The following KIF2C variants were observed in gnomAD, a reference collection of about 807,000 sequenced individuals.
The protein encoded by KIF2C is kinesin family member 2C.
Under a neutral mutation model 97.4 loss-of-function variants are expected in KIF2C, and 34 were observed. That is an observed-to-expected ratio of 0.35 (90% confidence interval 0.27 to 0.46). The LOEUF (loss-of-function observed/expected upper bound fraction) is 0.46, where lower values mean the gene tolerates loss of function less well. Among genes scored for constraint, KIF2C ranks in the 20% least tolerant of loss-of-function variants. The pLI is 1.00. For synonymous variants in KIF2C, 313 were observed against 318.2 expected (o/e 0.98, Z 0.17); for missense variants, 750 against 907.6 (o/e 0.83, Z 2.23).
intron 1 of KIF2C, 54 bp downstream of exon 1, chr1:44,740,056 A>G: frequency 6.3e-7 from 1 of 1,596,902 alleles, no homozygotes; most frequent in Non-Finnish European, 8.6e-7. Flanking sequence ...AGACGACTGA[A>G]ATTACTGCCC....
intron 19 of KIF2C, among the ~76,000 whole-genome samples, chr1:44,763,830 T>A (rs1650298286): frequency 6.6e-6 from 1 of 152,008 alleles, no homozygotes. Flanking sequence ...GGTCAGGAGT[T>A]CGAGACCAGC....
At chr1:44,763,293 G>A (rs1036270198) in intron 19 of KIF2C, among the ~76,000 whole-genome samples, 2 of 152,154 alleles carry the variant, frequency 1.3e-5, no homozygotes, top group African/African-American at 2.4e-5. Context: ...AGGAATTTAC[G>A]TCCCAATGGT....
intron 4 of KIF2C, 69 bp downstream of exon 4, chr1:44,747,769 T>C (rs904709671): frequency 7.2e-7 from 1 of 1,392,994 alleles, no homozygotes; most frequent in Non-Finnish European, 1.0e-6. Flanking sequence ...GGACTCAGAG[T>C]TGTGGAAGCT....
intron 5 of KIF2C, among the ~76,000 whole-genome samples, chr1:44,752,865 C>A (rs1415421966): frequency 1.3e-5 from 2 of 152,188 alleles, no homozygotes; most frequent in Non-Finnish European, 2.9e-5. Flanking sequence ...CTAAAGAGTT[C>A]ACGCTCTCAG....
At chr1:44,764,493 TTTTGTTTG>T (rs763744086) in intron 19 of KIF2C, among the ~76,000 whole-genome samples, 22 of 145,956 alleles carry the variant, frequency 1.5e-4, no homozygotes, top group South Asian at 4.4e-4. Context: ...TCTGGTTGGT[TTTTGTTTG>T]TTTGTTTGTT....
intron 4 of KIF2C, among the ~76,000 whole-genome samples, chr1:44,748,457 G>A (rs1649336187): frequency 6.6e-6 from 1 of 152,188 alleles, no homozygotes; most frequent in Non-Finnish European, 1.5e-5. Flanking sequence ...CTTGCTGGGT[G>A]TACCGTAAGG....
At chr1:44,744,122 ACT>A (rs2148821028) in intron 2 of KIF2C, among the ~76,000 whole-genome samples, 1 of 149,760 alleles carries the variant, frequency 6.7e-6, no homozygotes, top group African/African-American at 2.5e-5. Flanking sequence ...ACAAAGTCTC[ACT>A]CTATCGCCAG....
intron 18 of KIF2C, 30 bp downstream of exon 18, chr1:44,762,481 A>G: frequency 2.5e-6 from 4 of 1,611,170 alleles, no homozygotes; most frequent in Non-Finnish European, 3.4e-6. Context: ...CAAGCAAGAC[A>G]GAAGTGTGGC....
chr1:44,751,601 C>A (rs140496063), intron 5 of KIF2C, among the ~76,000 whole-genome samples: 1 of 150,682 alleles, frequency 6.6e-6, no homozygotes, highest in South Asian at 2.1e-4. Flanking sequence ...CTCTGCCTCC[C>A]GGGTTCAATT....
chr1:44,746,631 G>A, intron 2 of KIF2C: 1 of 1,499,574 alleles, frequency 6.7e-7, no homozygotes, highest in Non-Finnish European at 8.9e-7. Flanking sequence ...CAGCAGGGGA[G>A]CCAAGTGGCC....
At chr1:44,754,977 T>TG in intron 8 of KIF2C, 132 bp downstream of exon 8, 1 of 608,486 alleles carries the variant, frequency 1.6e-6, no homozygotes, top group South Asian at 2.0e-5. Context: ...TTTTTTGAGA[T>TG]GGGGTCTCAC....
intron 5 of KIF2C, among the ~76,000 whole-genome samples, chr1:44,751,788 C>T (rs1168285791): frequency 6.8e-6 from 1 of 146,798 alleles, no homozygotes; most frequent in African/African-American, 2.5e-5. Context: ...GGATTACAGG[C>T]GTGAGCTACT....
At chr1:44,758,018 GT>G (rs1171464428) in intron 12 of KIF2C, 30 bp from the exon 13 acceptor site, 1 of 1,614,010 alleles carries the variant, frequency 6.2e-7, no homozygotes, top group African/African-American at 1.3e-5. Flanking sequence ...AGAAAGGCAG[GT>G]TGTTTGCTTA....
At chr1:44,754,673 G>A in intron 7 of KIF2C, 77 bp from the exon 8 acceptor site, 3 of 866,630 alleles carry the variant, frequency 3.5e-6, no homozygotes, top group Non-Finnish European at 6.0e-6. Context: ...GCAAAGAGCT[G>A]TTGCTGCTGC....
intron 17 of KIF2C, 165 bp downstream of exon 17, chr1:44,762,148 C>A (rs1557600936): frequency 7.2e-6 from 6 of 832,860 alleles, no homozygotes; most frequent in Non-Finnish European, 1.2e-5. Flanking sequence ...CTGTCCCAAT[C>A]CTCTCCGGGC....
chr1:44,749,064 AG>A (rs1412064347), intron 4 of KIF2C, among the ~76,000 whole-genome samples: 1 of 152,198 alleles, frequency 6.6e-6, no homozygotes, highest in Non-Finnish European at 1.5e-5. Context: ...TGAGGGGCCA[AG>A]GTGGGCAGAT....
intron 19 of KIF2C, among the ~76,000 whole-genome samples, chr1:44,765,777 C>T (rs72674023): frequency 0.17 from 25,331 of 151,960 alleles, 2,325 homozygotes; most frequent in Non-Finnish European, 0.2. Context: ...TTTGACCGGG[C>T]GTGATGGCTC....
chr1:44,762,733 G>T, intron 19 of KIF2C, 75 bp downstream of exon 19: 1 of 956,518 alleles, frequency 1.0e-6, no homozygotes, highest in South Asian at 1.3e-5. Flanking sequence ...CCCAGAACAT[G>T]ACCTGGGCCT....
Position 44,760,499 on chromosome 1 carries a change from A to G in KIF2C, c.1572+15A>G. 6.2e-7 allele frequency: 1 copy of G among 1,613,524 alleles called. No individual in the cohort carries two copies. The highest frequency in any genetic ancestry group is 1.1e-5 in the South Asian group (1 of 90,976). On this transcript the variant is annotated intron_variant, in intron 15 of 20. Coordinates refer to ENST00000372224, the MANE Select transcript of KIF2C (RefSeq NM_006845.4). The surrounding 1 kb of genome is among the most constrained non-coding windows in gnomAD (Gnocchi z 4.2). ...TAGCCCTGAAGGTAGTGGGGCAGCT[A>G]GAGCTGGTTGGCCGGGAGAGCTACT...
Sources: allele counts gnomAD v4.1 joint callset (sites outside exome capture counted in the v4.1 genomes callset), GRCh38; gene constraint gnomAD v4.1.1; non-coding constraint Gnocchi (gnomAD v3.1); transcripts MANE v1.5; gene names NCBI Gene and HGNC (gene_info 2026-07-23, HGNC 2026-07-21).